Variants in WEE1 observed in about 807,000 individuals in gnomAD.
WEE1 encodes the protein wee1-like protein kinase.
Under a neutral mutation model 68.8 loss-of-function variants are expected in WEE1, and 16 were observed. The observed-to-expected ratio is 0.23, with a 90% CI of 0.16 to 0.35. The LOEUF (loss-of-function observed/expected upper bound fraction) is 0.35, where lower values mean the gene tolerates loss of function less well. WEE1 is among the 10% of genes least tolerant of loss of function. The pLI is 1.00. For synonymous variants in WEE1, 349 were observed against 318.7 expected, an observed-to-expected ratio of 1.09 and a Z score of -1.01; for missense variants, 651 against 824.1, an observed-to-expected ratio of 0.79 and a Z score of 2.57.
intron 5 of WEE1, chr11:9,580,743 A>G (rs1849618464): frequency 1.3e-5 from 2 of 152,228 alleles, no homozygotes; most frequent in Non-Finnish European, 2.9e-5. Flanking sequence ...GGCGTGAGCC[A>G]CTGTGCCCAG....
chr11:9,583,778 C>T (rs527299643), intron 6 of WEE1, among the ~76,000 whole-genome samples: 3 of 30,898 alleles, frequency 9.7e-5, no homozygotes, highest in African/African-American at 2.2e-4. Flanking sequence ...CACACACACA[C>T]ACACACACAC....
In WEE1 at chr11:9,576,374, T is replaced by G; in HGVS notation, c.846+81T>G. On this transcript the variant is annotated intron_variant, in intron 3 of 10. Coordinates refer to ENST00000450114, the MANE Select transcript of WEE1 (RefSeq NM_003390.4). The surrounding 1 kb of genome is among the most constrained non-coding windows in gnomAD (Gnocchi z 4.3). ...ATGCTATGAATATGTTAATAAGCAT[T>G]AACACATAAGGTAGAATGGTTTTTA... The G allele has an allele frequency of 1.9e-6, 3 of 1,544,398 alleles. No homozygotes were observed. Among genetic ancestry groups the G allele is most frequent in the Non-Finnish European group, 2.6e-6 (3 of 1,142,216 alleles).
At chr11:9,577,616 T>C (rs1849578463) in intron 5 of WEE1, 1 of 324,126 alleles carries the variant, frequency 3.1e-6, no homozygotes. Context: ...TTCCTGTGTC[T>C]GGTCTTTGAT....
At position 9,576,677 on chromosome 11, in the gene WEE1, T is replaced by C. The variant is rs748375189; in HGVS notation, c.1019+18T>C. 1.0e-5 allele frequency: 16 copies of C among 1,600,448 alleles called. No individual in the cohort carries two copies. The Admixed American group carries it at 1.4e-4, about 14-fold the overall frequency. On this transcript the variant is annotated intron_variant, in intron 4 of 10. Transcript: ENST00000450114. The surrounding 1 kb of genome is among the most constrained non-coding windows in gnomAD (Gnocchi z 4.3). ...GTTGATGAGTATGTATTAAACATTT[T>C]GTCTTTTGCTCTTTTGTCCCCTATG...
At chr11:9,587,190 G>A (rs572835943) in intron 10 of WEE1, among the ~76,000 whole-genome samples, 15 of 152,070 alleles carry the variant, frequency 9.9e-5, no homozygotes, top group Non-Finnish European at 1.9e-4. Flanking sequence ...TGAACTCCTG[G>A]GCTCAAACCA....
intron 1 of WEE1, chr11:9,575,227 A>G: frequency 1.0e-6 from 1 of 985,566 alleles, no homozygotes; most frequent in African/African-American, 1.7e-5. Flanking sequence ...TATCTTAAAG[A>G]AGGAGGTGTT....
intron 6 of WEE1, among the ~76,000 whole-genome samples, chr11:9,581,928 A>G (rs1428460079): frequency 6.6e-6 from 1 of 152,232 alleles, no homozygotes. Context: ...CAGTGGCACC[A>G]TCTCCGCTCA....
chr11:9,580,458 C>CTTTTTTTTTTTTTTTTT (rs374484716), intron 5 of WEE1: 2 of 126,918 alleles, frequency 1.6e-5, no homozygotes, highest in Admixed American at 1.7e-4. Context: ...TTCTTTCTTT[C>CTTTTTTTTTTTTTTTTT]TTTCTTTTTT....
At chr11:9,586,322 C>T in intron 8 of WEE1, 127 bp from the exon 9 acceptor site, 1 of 799,802 alleles carries the variant, frequency 1.3e-6, no homozygotes. Flanking sequence ...GAATAGGTCC[C>T]AAACTTAAAT....
chr11:9,575,529 C>T (rs1849556261), intron 1 of WEE1: 1 of 461,564 alleles, frequency 2.2e-6, no homozygotes, highest in African/African-American at 2.1e-5. Flanking sequence ...GAAGCCCTAT[C>T]TAGATGGGGG....
chr11:9,582,576 T>G (rs59726203), intron 6 of WEE1, among the ~76,000 whole-genome samples: 3,699 of 152,288 alleles, frequency 0.024, 153 homozygotes, highest in African/African-American at 0.083. Context: ...TTTCTTTTTT[T>G]CTTTTTTTGA....
At chr11:9,583,927 C>T (rs937056391) in intron 6 of WEE1, among the ~76,000 whole-genome samples, 3 of 148,286 alleles carry the variant, frequency 2.0e-5, no homozygotes, top group African/African-American at 5.0e-5. Context: ...CTCACTGCAA[C>T]CTCTGCCTCC....
At chr11:9,585,145 A>C in intron 6 of WEE1, 113 bp from the exon 7 acceptor site, 2 of 829,038 alleles carry the variant, frequency 2.4e-6, no homozygotes, top group Non-Finnish European at 3.9e-6. Context: ...TTGGGCTAGA[A>C]CTTGAGAATC....
In WEE1 at chr11:9,574,125, C is replaced by A. The variant is rs548544132; in HGVS notation, c.192C>A (p.Pro64=). The change falls in exon 1 of 11, where the codon CCC becomes CCA. Residue 64 remains proline, a synonymous_variant. Transcript: ENST00000450114. This position sits in a 1 kb window ranked among gnomAD's most constrained non-coding sequence, Gnocchi z 4.9. ...AAGAGCCCGACTCGCCGCTGCCGCC[C>A]GCGCGGAGCCCCACGGAGCCCGGGC... ...AFQEPDSPLP[P]ARSPTEPGPE... 9.9e-6 allele frequency: 12 copies of A among 1,211,612 alleles called. No homozygotes were observed. In the South Asian group the frequency reaches 3.8e-4, roughly 39 times the overall value. The allele number at this position is 1,211,612 out of a possible 1,614,324, so 75.1% of individuals were successfully genotyped here.
intron 6 of WEE1, 182 bp from the exon 7 acceptor site, chr11:9,585,072 CAAAA>C (rs1323897465): frequency 5.3e-6 from 3 of 565,680 alleles, no homozygotes; most frequent in Middle Eastern, 4.7e-4. Context: ...CAAAAAAAAA[CAAAA>C]AAAATTCCCA....
chr11:9,573,992 C>T lies in WEE1; in HGVS notation c.59C>T (p.Thr20Ile), dbSNP rs1302989028. 2.3e-6 allele frequency: 3 copies of T among 1,288,712 alleles called. No homozygotes were observed. The African/African-American group carries it at 4.7e-5, about 20-fold the overall frequency. The allele number at this position is 1,288,712 out of a possible 1,614,324, so 79.8% of individuals were successfully genotyped here. Residue 20 changes from threonine to isoleucine, a missense_variant, in exon 1 of 11, where the codon ACC becomes ATC. This residue lies in a region of WEE1 where 395 missense variants were observed against 378.4 expected (regional missense o/e 1.04). Coordinates refer to ENST00000450114, the MANE Select transcript of WEE1 (RefSeq NM_003390.4). Reference protein sequence around the residue: ...PPPRRAGAACTLRQKLIFSPC... With the variant: ...PPPRRAGAACILRQKLIFSPC... Reference sequence around the variant, plus strand: ...CCCCGCCGCGCCGGGGCGGCCTGCACCTTGCGGCAGAAGCTGATCTTCTCG... The same window carrying T: ...CCCCGCCGCGCCGGGGCGGCCTGCATCTTGCGGCAGAAGCTGATCTTCTCG...
chr11:9,575,909 G>A lies in WEE1; in HGVS notation c.598G>A (p.Gly200Arg). The change falls in exon 2 of 11, where the codon GGA becomes AGA. Residue 200 changes from glycine (G) to arginine (R), a missense_variant. By Grantham distance (125) the Gly-to-Arg change is moderately radical (BLOSUM62 -2). Around this residue, in one of 5 missense-constraint regions of WEE1, gnomAD observed 395 missense variants for 378.4 expected, o/e 1.04. Transcript: ENST00000450114. Reference sequence around the variant, plus strand: ...CTAGAGTTTGCTCTCCAAAGCTCGGGGAATTGATTCCAGCTCTGTTAAACT... The same window carrying A: ...CTAGAGTTTGCTCTCCAAAGCTCGGAGAATTGATTCCAGCTCTGTTAAACT... Reference protein sequence around the residue: ...TPKSLLSKARGIDSSSVKLRG... With the variant: ...TPKSLLSKARRIDSSSVKLRG... 1 of 1,614,040 alleles carries A rather than the reference G, an allele frequency of 6.2e-7. No individual in the cohort carries two copies. The highest frequency in any genetic ancestry group is 8.5e-7 in the Non-Finnish European group (1 of 1,179,986).
chr11:9,585,719 A>G (rs963371768), intron 8 of WEE1, among the ~76,000 whole-genome samples, 192 bp downstream of exon 8: 3 of 152,258 alleles, frequency 2.0e-5, no homozygotes, highest in Non-Finnish European at 2.9e-5. Flanking sequence ...GTCGTAAAAA[A>G]TATGTTCTCA....
Position 9,588,618 on chromosome 11 carries a change from C to A in WEE1, c.*16C>A. 1.3e-6 allele frequency: 2 copies of A among 1,540,482 alleles called. No individual in the cohort carries two copies. Among genetic ancestry groups the A allele is most frequent in the Non-Finnish European group, 8.7e-7 (1 of 1,149,626 alleles). The stretch of plus-strand genomic sequence containing the variant: ...TATATACTGAGCTACTCCTTTCCCA[C>A]CTCCCCCTGAACACTGTGACAAGAG... On this transcript the variant is annotated 3_prime_UTR_variant, in exon 11 of 11. Transcript: ENST00000450114.
Sources: allele counts gnomAD v4.1 joint callset (sites outside exome capture counted in the v4.1 genomes callset), GRCh38; gene constraint gnomAD v4.1.1; regional missense constraint gnomAD v4.1.1; non-coding constraint Gnocchi (gnomAD v3.1); transcripts MANE v1.5; gene names NCBI Gene and HGNC (gene_info 2026-07-23, HGNC 2026-07-21).